Variants in STYXL1 observed in about 807,000 individuals in gnomAD.
STYXL1 encodes serine/threonine/tyrosine interacting like 1.
STYXL1 carries 32 observed loss-of-function variants against 36.4 expected under a neutral mutation model. The ratio of observed to expected loss-of-function variants is 0.88; its 90% confidence interval spans 0.66 to 1.18. The LOEUF (loss-of-function observed/expected upper bound fraction) is 1.18, where lower values mean the gene tolerates loss of function less well. Among genes scored for constraint, STYXL1 ranks in the 50% most tolerant of loss-of-function variants. The pLI is 0.00. For synonymous variants in STYXL1, 133 were observed against 144.1 expected (o/e 0.92, Z 0.55); for missense variants, 354 against 394.1 (o/e 0.90, Z 0.86).
At chr7:75,997,218 G>A (rs1554564394) in intron 8 of STYXL1, among the ~76,000 whole-genome samples, 2 of 152,208 alleles carry the variant, frequency 1.3e-5, no homozygotes, top group African/African-American at 4.8e-5. Flanking sequence ...GATCACCTGA[G>A]GTCAGGAGTT....
chr7:76,044,559 G>A (rs1424169764), intron 1 of STYXL1: 1 of 152,130 alleles, frequency 6.6e-6, no homozygotes, highest in African/African-American at 2.4e-5. Flanking sequence ...GGGATGTGGA[G>A]GAAACTGAAT....
At chr7:76,039,337 A>C (rs1796257856) in intron 1 of STYXL1, among the ~76,000 whole-genome samples, 1 of 151,288 alleles carries the variant, frequency 6.6e-6, no homozygotes, top group Admixed American at 6.6e-5. Context: ...CAGCCTCCCA[A>C]AGTGGTGGGA....
chr7:76,028,554 C>T lies in STYXL1; in HGVS notation c.165+88G>A, dbSNP rs145811298. 3,031 of 1,240,522 alleles carry T rather than the reference C, an allele frequency of 2.4e-3. 81 individuals are homozygous for T. The South Asian group carries it at 0.033, about 13-fold the overall frequency. 76.8% of individuals were successfully genotyped at this position (1,240,522 alleles called of 1,614,324 possible). On this transcript the variant is annotated intron_variant, in intron 3 of 8. Coordinates refer to ENST00000359697, the MANE Select transcript of STYXL1 (RefSeq NM_001317785.2). ...TAGAAAACAGTCCTGCTTCTGCTGCCCGCTGGATTGAGGGTGAAACTTCCC... is the reference window on the plus strand; with the variant it reads ...TAGAAAACAGTCCTGCTTCTGCTGCTCGCTGGATTGAGGGTGAAACTTCCC...
At chr7:76,011,146 G>A (rs555255697) in intron 5 of STYXL1, among the ~76,000 whole-genome samples, 1 of 152,248 alleles carries the variant, frequency 6.6e-6, no homozygotes, top group Admixed American at 6.5e-5. Context: ...CCCAGGAGGT[G>A]GAGGCTGCAG....
At chr7:76,016,279 T>C (rs1391132158) in intron 4 of STYXL1, among the ~76,000 whole-genome samples, 1 of 151,694 alleles carries the variant, frequency 6.6e-6, no homozygotes, top group Non-Finnish European at 1.5e-5. Context: ...TGTGTGTATA[T>C]ATGTATATCT....
chr7:76,042,390 CTTTTTTTTTTTTTTTTTTTTTTTTTTT>C (rs528469396), intron 1 of STYXL1, among the ~76,000 whole-genome samples: 1 of 41,816 alleles, frequency 2.4e-5, no homozygotes, highest in South Asian at 1.0e-3. Context: ...CCCTTATGTG[CTTTTTTTTTTTTTTTTTTTTTTTTTTT>C]TTTTTAAGAT....
Position 76,023,424 on chromosome 7 carries a change from T to A in STYXL1, c.166-1432A>T, listed in dbSNP as rs114450168. Among the ~76,000 whole-genome samples the A allele has an allele frequency of 7.9e-3, 1,209 of 152,186 alleles. 14 individuals are homozygous for A. Among genetic ancestry groups the A allele is most frequent in the African/African-American group, 0.028 (1,146 of 41,544 alleles). ...TGTTGCCCAGGCTGGACTGCAGTGG[T>A]GCAGTCACCGCTCACTGCAGCCTTG... On this transcript the variant is annotated intron_variant, in intron 3 of 8. Coordinates refer to ENST00000359697, the MANE Select transcript of STYXL1 (RefSeq NM_001317785.2).
intron 1 of STYXL1, among the ~76,000 whole-genome samples, chr7:76,036,484 AAAGT>A (rs1196533708): frequency 1.3e-5 from 2 of 150,184 alleles, no homozygotes; most frequent in African/African-American, 2.4e-5. Flanking sequence ...TAAAAATATT[AAAGT>A]AATATAGATG....
chr7:76,030,299 C>A (rs1795183807), intron 2 of STYXL1, 122 bp downstream of exon 2: 1 of 722,612 alleles, frequency 1.4e-6, no homozygotes, highest in Non-Finnish European at 2.4e-6. Flanking sequence ...ACACCCAGCC[C>A]AGGGATCCCT....
At chr7:76,042,599 G>A (rs1480650238) in intron 1 of STYXL1, among the ~76,000 whole-genome samples, 1 of 151,282 alleles carries the variant, frequency 6.6e-6, no homozygotes, top group African/African-American at 2.4e-5. Flanking sequence ...GTAGAGACGG[G>A]GTTTCACCAT....
chr7:76,019,267 TCTAA>T (rs763537426), intron 4 of STYXL1, among the ~76,000 whole-genome samples: 14 of 151,244 alleles, frequency 9.3e-5, no homozygotes, highest in East Asian at 3.9e-4. Context: ...CAGCATGAAC[TCTAA>T]CTGTTTTTTT....
At chr7:76,001,086 G>T in intron 7 of STYXL1, 84 bp from the exon 8 acceptor site, 1 of 1,042,736 alleles carries the variant, frequency 9.6e-7, no homozygotes, top group Non-Finnish European at 1.5e-6. Context: ...GCCTCCATGG[G>T]CCCGTGGTCC....
At position 76,013,765 on chromosome 7, in the gene STYXL1, G is replaced by A; in HGVS notation, c.430C>T (p.Gln144Ter). 6.2e-7 allele frequency: 1 copy of A among 1,613,946 alleles called. No homozygotes were observed. The highest frequency in any genetic ancestry group is 1.1e-5 in the South Asian group (1 of 91,084). ...ACCTGAGGCATCCAGATGATCTTCT[G>A]GGTCCGGAGAAAGTGGTACGTGCCT... The part of the protein sequence containing the change: ...FSGTYHFLRT[Q>*]KIIWMPQELD... Residue 144 changes from glutamine (Q) to a stop codon, truncating the protein, a stop_gained, in exon 5 of 9, where the codon CAG becomes TAG. Transcript: ENST00000359697. LOFTEE classifies it high-confidence loss of function.
At chr7:76,012,892 A>G (rs1792738640) in intron 5 of STYXL1, among the ~76,000 whole-genome samples, 1 of 152,216 alleles carries the variant, frequency 6.6e-6, no homozygotes, top group African/African-American at 2.4e-5. Context: ...TTGTGGAATC[A>G]GACAGCCAAG....
intron 4 of STYXL1, among the ~76,000 whole-genome samples, chr7:76,021,613 C>T (rs1794082893): frequency 6.6e-6 from 1 of 152,140 alleles, no homozygotes; most frequent in African/African-American, 2.4e-5. Context: ...GTCCCTCACC[C>T]TCCCCAATCC....
rs1381997719 is a variant in STYXL1 at position 75,996,654 on chromosome 7, C to A, written c.811-55G>T. ...CACGATTGGTCCTGGGCCCTTTCCA[C>A]TTGGATCAGAGGCAGCTTTCAGAGA... On this transcript the variant is annotated intron_variant, in intron 8 of 8. Transcript: ENST00000359697. The A allele has an allele frequency of 2.5e-6, 4 of 1,579,528 alleles. No homozygotes were observed. The African/African-American group carries it at 5.4e-5, about 21-fold the overall frequency.
intron 6 of STYXL1, among the ~76,000 whole-genome samples, 186 bp downstream of exon 6, chr7:76,005,073 C>G (rs551279735): frequency 6.8e-6 from 1 of 147,220 alleles, no homozygotes; most frequent in African/African-American, 2.4e-5. Flanking sequence ...TGCTAAATGA[C>G]GAGTTAATGG....
At chr7:76,004,388 C>T (rs1012624566) in intron 6 of STYXL1, among the ~76,000 whole-genome samples, 1 of 151,834 alleles carries the variant, frequency 6.6e-6, no homozygotes, top group Admixed American at 6.6e-5. Context: ...AGCCACCACA[C>T]CCAGCCAAAA....
rs1293508104 is a variant in STYXL1 at position 75,999,519 on chromosome 7, G to GTATA, written c.810+1370_810+1371insTATA. Among the ~76,000 whole-genome samples, 278 of 35,312 alleles carry GTATA rather than the reference G, an allele frequency of 7.9e-3. 1 individual carries two copies. Among genetic ancestry groups the GTATA allele is most frequent in the African/African-American group, 0.024 (227 of 9,372 alleles). 23.2% of individuals were successfully genotyped at this position (35,312 alleles called of 152,430 possible). The stretch of plus-strand genomic sequence containing the variant: ...TGTGTGTGTGTGTGTGTATGTGTGT[G>GTATA]TGTGTGTGTGTGTGTGTGTGTGTGT... On this transcript the variant is annotated intron_variant, in intron 8 of 8. Coordinates refer to ENST00000359697, the MANE Select transcript of STYXL1 (RefSeq NM_001317785.2).
Sources: allele counts gnomAD v4.1 joint callset (sites outside exome capture counted in the v4.1 genomes callset), GRCh38; gene constraint gnomAD v4.1.1; transcripts MANE v1.5; gene names NCBI Gene and HGNC (gene_info 2026-07-23, HGNC 2026-07-21).